Variants in ADGRV1 observed in about 807,000 individuals in gnomAD.
ADGRV1 encodes adhesion G protein-coupled receptor V1, also known as G-protein coupled receptor 98.
ADGRV1 carries 359 observed loss-of-function variants against 596.2 expected under a neutral mutation model. That is an observed-to-expected ratio of 0.60 (90% CI 0.55 to 0.66). The LOEUF (loss-of-function observed/expected upper bound fraction) is 0.66, where lower values mean the gene tolerates loss of function less well. Ranked by LOEUF, ADGRV1 falls within the 30% of genes least tolerant of loss-of-function variation. The pLI is 0.00. For missense variants in ADGRV1, 7,274 were observed against 7,575.6 expected, an observed-to-expected ratio of 0.96 and a Z score of 1.48; for synonymous variants, 2,681 against 2,679.2, an observed-to-expected ratio of 1.00 and a Z score of -0.02.
intron 83 of ADGRV1, among the ~76,000 whole-genome samples, chr5:90,929,071 A>C (rs1427963857): frequency 6.6e-6 from 1 of 151,226 alleles, no homozygotes; most frequent in African/African-American, 2.4e-5. Context: ...TGCAGAGGTT[A>C]CTGCTGTCTT....
chr5:91,150,009 C>CTTTTTTTTTTTTTTTTTTT, intron 87 of ADGRV1, 21 bp from the exon 88 acceptor site: 1 of 1,288,698 alleles, frequency 7.8e-7, no homozygotes, highest in East Asian at 3.0e-5. Flanking sequence ...CTTTTCTTTT[C>CTTTTTTTTTTTTTTTTTTT]TTTTTTTTTT....
chr5:90,871,005 T>C (rs1394694828), intron 83 of ADGRV1, among the ~76,000 whole-genome samples: 1 of 152,186 alleles, frequency 6.6e-6, no homozygotes, highest in East Asian at 1.9e-4. Context: ...GAGCTGTAGT[T>C]TGAGCTTTCT....
At chr5:90,614,433 T>A (rs13167847) in intron 1 of ADGRV1, among the ~76,000 whole-genome samples, 10,754 of 152,164 alleles carry the variant, frequency 0.071, 441 homozygotes, top group Non-Finnish European at 0.093. Flanking sequence ...CTTCAACTGT[T>A]TCAGTTTTGG....
chr5:90,675,158 A>G, intron 23 of ADGRV1, 85 bp from the exon 24 acceptor site: 2 of 1,205,650 alleles, frequency 1.7e-6, no homozygotes, highest in Middle Eastern at 2.9e-4. Flanking sequence ...GGTGATCAAA[A>G]TAATTGTGTA....
intron 83 of ADGRV1, among the ~76,000 whole-genome samples, chr5:90,866,301 T>TTG (rs1231960600): frequency 1.2e-5 from 1 of 86,340 alleles, no homozygotes; most frequent in Non-Finnish European, 2.3e-5. Context: ...CTATAATTTA[T>TTG]TGTGTATGTG....
rs893475207 is a variant in ADGRV1, at chr5:90,829,198, A to C, written c.16611+12A>C. 1 of 1,485,652 alleles carries C rather than the reference A, an allele frequency of 6.7e-7. No individual in the cohort carries two copies. The highest frequency in any genetic ancestry group is 1.4e-5 in the African/African-American group (1 of 72,154). 92.0% of individuals were successfully genotyped at this position (1,485,652 alleles called of 1,614,324 possible). A position where few individuals can be genotyped will look rare whatever the true frequency, so the allele number is the denominator to read the frequency against. ...ACTTTAGTACCCAGGTAAGCATGGA[A>C]TATATATATTCATACACGTTATGGT... On this transcript the variant is annotated intron_variant, in intron 77 of 89. Transcript: ENST00000405460.
intron 25 of ADGRV1, among the ~76,000 whole-genome samples, chr5:90,678,025 G>A (rs550072761): frequency 6.6e-6 from 1 of 152,292 alleles, no homozygotes; most frequent in African/African-American, 2.4e-5. Flanking sequence ...AGTATATATG[G>A]TGTTGAACTT....
chr5:90,965,443 G>A lies in ADGRV1; in HGVS notation c.17885G>A (p.Ser5962Asn), dbSNP rs1432122727. ...CTGTTTCTGGCGTCTGCATACGCAA[G>A]TCCCCAACTCGCTGAGGAGAGCTGT... is the stretch of plus-strand genomic sequence containing the variant. ...QILFLASAYA[S>N]PQLAEESCSA... Residue 5962 changes from serine (S) to asparagine (N), a missense_variant, in exon 84 of 90, where the codon AGT becomes AAT. Physicochemically the swap from Ser to Asn is conservative, Grantham distance 46. This residue lies in a region of ADGRV1 where 1,874 missense variants were observed against 1,970.2 expected (regional missense o/e 0.95). Coordinates refer to ENST00000405460, the MANE Select transcript of ADGRV1 (RefSeq NM_032119.4). 2.5e-6 allele frequency: 4 copies of A among 1,613,414 alleles called. No homozygotes were observed. The Admixed American group carries it at 6.7e-5, about 27-fold the overall frequency.
intron 38 of ADGRV1, 132 bp from the exon 39 acceptor site, chr5:90,708,684 A>G (rs1748926876): frequency 4.0e-6 from 2 of 504,878 alleles, no homozygotes; most frequent in Admixed American, 3.7e-5. Flanking sequence ...TCTAATTTAC[A>G]TCTGTCTACT....
chr5:90,602,883 A>G (rs1015071447), intron 1 of ADGRV1, among the ~76,000 whole-genome samples: 2 of 152,246 alleles, frequency 1.3e-5, no homozygotes, highest in African/African-American at 2.4e-5. Flanking sequence ...AAGCCTGAAG[A>G]AAGACTGGGC....
At chr5:90,792,225 T>C (rs1384600762) in intron 70 of ADGRV1, 1 of 152,220 alleles carries the variant, frequency 6.6e-6, no homozygotes, top group Non-Finnish European at 1.5e-5. Context: ...CTGAAGCCTT[T>C]GGGAACACCC....
chr5:90,823,605 T>TG lies in ADGRV1; in HGVS notation c.16368+10dup, dbSNP rs1214548102. 1 of 1,610,618 alleles carries TG rather than the reference T, an allele frequency of 6.2e-7. No homozygotes were observed. Among genetic ancestry groups the TG allele is most frequent in the African/African-American group, 1.3e-5 (1 of 74,984 alleles). Reference sequence around the variant, plus strand: ...AACTCAAACCAGAAAAGGTAAGAAATGAAGAGACACACTAGTGTCAACTTC... The same window carrying TG: ...AACTCAAACCAGAAAAGGTAAGAAATGGAAGAGACACACTAGTGTCAACTTC... On this transcript the variant is annotated intron_variant, in intron 76 of 89. Transcript: ENST00000405460.
At chr5:90,647,017 C>T (rs936918863) in intron 16 of ADGRV1, among the ~76,000 whole-genome samples, 1 of 152,004 alleles carries the variant, frequency 6.6e-6, no homozygotes, top group African/African-American at 2.4e-5. Context: ...TGTGATCTGC[C>T]CGCCTTGGCC....
At chr5:90,560,586 A>G (rs1302001974) in intron 1 of ADGRV1, among the ~76,000 whole-genome samples, 2 of 151,884 alleles carry the variant, frequency 1.3e-5, no homozygotes, top group African/African-American at 4.9e-5. Flanking sequence ...GAATGGGATG[A>G]TTAAAAGCTA....
At chr5:90,863,669 G>T (rs951120367) in intron 82 of ADGRV1, 88 bp from the exon 83 acceptor site, 2 of 947,012 alleles carry the variant, frequency 2.1e-6, no homozygotes, top group Non-Finnish European at 3.5e-6. Flanking sequence ...GACCTGACAT[G>T]CCTAGCTGCC....
Position 90,646,507 on chromosome 5 carries a change from T to G in ADGRV1, c.3022+416T>G, listed in dbSNP as rs530617675. ...ATGTATTAGAAGGACCTGAGTATTA[T>G]GCCTAATGGATGGCCATACACTATA... On this transcript the variant is annotated intron_variant, in intron 16 of 89. Transcript: ENST00000405460. 2.6e-5 allele frequency among the ~76,000 whole-genome samples: 4 copies of G among 152,246 alleles called. No homozygotes were observed. The South Asian group carries it at 8.3e-4, about 32-fold the overall frequency.
intron 84 of ADGRV1, among the ~76,000 whole-genome samples, chr5:90,978,405 A>C (rs1488222211): frequency 6.6e-6 from 1 of 152,112 alleles, no homozygotes; most frequent in Non-Finnish European, 1.5e-5. Flanking sequence ...CTTCATTGGG[A>C]GTTCAGCCAA....
intron 85 of ADGRV1, among the ~76,000 whole-genome samples, chr5:91,054,154 G>A (rs1786623924): frequency 1.3e-5 from 2 of 150,074 alleles, no homozygotes; most frequent in South Asian, 2.1e-4. Context: ...TGAAACAGCT[G>A]CTAAAGAGAG....
chr5:90,630,252 G>A (rs1765327780), intron 9 of ADGRV1: 1 of 152,230 alleles, frequency 6.6e-6, no homozygotes, highest in African/African-American at 2.4e-5. Context: ...ATGCGCCTGA[G>A]CCTCCTAAAG....
Sources: gnomAD v4.1 joint callset for allele counts (sites outside exome capture counted in the v4.1 genomes callset) on GRCh38, gnomAD v4.1.1 for gene constraint, gnomAD v4.1.1 regional missense constraint, MANE v1.5 for transcripts, NCBI Gene and HGNC (gene_info 2026-07-23, HGNC 2026-07-21) for gene names.